PEX19: variants seen among roughly 807,000 people sequenced by gnomAD.
PEX19 encodes peroxisomal biogenesis factor 19, also known as 33 kDa housekeeping protein.
A neutral mutation model predicts 36.3 loss-of-function variants in PEX19; 29 were observed. The ratio of observed to expected loss-of-function variants is 0.80; its 90% CI spans 0.60 to 1.09. The LOEUF (loss-of-function observed/expected upper bound fraction) is 1.09, where lower values mean the gene tolerates loss of function less well. Among genes scored for constraint, PEX19 ranks in the 50% least tolerant of loss-of-function variants. The pLI, the probability that PEX19 is intolerant of heterozygous loss-of-function variation, is 0.00. For synonymous variants in PEX19, 141 were observed against 135.2 expected (o/e 1.04, Z -0.30); for missense variants, 396 against 368.1 (o/e 1.08, Z -0.62).
At position 160,282,219 on chromosome 1, in the gene PEX19, A is replaced by G. The variant is rs1280745844; in HGVS notation, c.433-19T>C. ...TGGAGTTCTAGATAGGACAAGTAAG[A>G]GGTGAGCAGGTATACTACCTTCTTG... On this transcript the variant is annotated intron_variant, in intron 4 of 7. Coordinates refer to ENST00000368072, the MANE Select transcript of PEX19 (RefSeq NM_002857.4). The G allele has an allele frequency of 6.2e-7, 1 of 1,613,602 alleles. No homozygotes were observed. The highest frequency in any genetic ancestry group is 8.5e-7 in the Non-Finnish European group (1 of 1,179,842).
rs762131917 is a variant in PEX19, at chr1:160,282,207, A to G, written c.433-7T>C. ...CTTCCGACATGCTGGAGTTCTAGAT[A>G]GGACAAGTAAGAGGTGAGCAGGTAT... On this transcript the variant is annotated splice_region_variant and splice_polypyrimidine_tract_variant and intron_variant, in intron 4 of 7. Coordinates refer to ENST00000368072, the MANE Select transcript of PEX19 (RefSeq NM_002857.4). 1.2e-6 allele frequency: 2 copies of G among 1,614,014 alleles called. No homozygotes were observed. Among genetic ancestry groups the G allele is most frequent in the South Asian group, 2.2e-5 (2 of 91,072 alleles).
In PEX19 at chr1:160,280,216, A is replaced by G. The variant is rs1243279561; in HGVS notation, c.625T>C (p.Ser209Pro). 1.2e-6 allele frequency: 2 copies of G among 1,614,020 alleles called. No homozygotes were observed. Among genetic ancestry groups the G allele is most frequent in the African/African-American group, 1.3e-5 (1 of 74,926 alleles). The change falls in exon 6 of 8, where the codon TCT becomes CCT. Residue 209 changes from serine to proline, a missense_variant. Physicochemically the swap from Ser to Pro is moderately conservative, Grantham distance 74. Coordinates refer to ENST00000368072, the MANE Select transcript of PEX19 (RefSeq NM_002857.4). ...TTTTCAAACTGCTCTGGAGGTAGAG[A>G]TTCCCGATGACTCTGCAACCATTCT... ...YPEWLQSHRESLPPEQFEKYQ... is the reference protein window; with the variant it reads ...YPEWLQSHREPLPPEQFEKYQ...
intron 1 of PEX19, chr1:160,284,183 C>T (rs1571140303): frequency 2.1e-6 from 1 of 471,472 alleles, no homozygotes; most frequent in South Asian, 1.5e-5. Context: ...CAGTTTAGTG[C>T]TCCCCAACAA....
chr1:160,279,887 C>G, intron 6 of PEX19, 42 bp from the exon 7 acceptor site: 1 of 1,520,854 alleles, frequency 6.6e-7, no homozygotes, highest in South Asian at 1.1e-5. Flanking sequence ...GAGAAAAGCC[C>G]AGAAAACAAC....
rs1449115244 is a variant in PEX19 at position 160,284,262 on chromosome 1, C to G, written c.71-623G>C. On this transcript the variant is annotated intron_variant, in intron 1 of 7. Coordinates refer to ENST00000368072, the MANE Select transcript of PEX19 (RefSeq NM_002857.4). ...CACTAATTTACACAGTCACTTGGCACTCCTCAGGGTTTCTGTTCATTTTTC... is the reference window on the plus strand; with the variant it reads ...CACTAATTTACACAGTCACTTGGCAGTCCTCAGGGTTTCTGTTCATTTTTC... The G allele has an allele frequency of 2.0e-5, 9 of 447,106 alleles. No individual in the cohort carries two copies. In the East Asian group the frequency reaches 6.3e-4, roughly 31 times the overall value. 27.7% of individuals were successfully genotyped at this position (447,106 alleles called of 1,614,324 possible).
rs146644725 is a variant in PEX19 at position 160,283,029 on chromosome 1, G to A, written c.261C>T (p.Phe87=). The stretch of plus-strand genomic sequence containing the variant: ...CAGCCAACTCCTTCATTGCCTTCTC[G>A]AACTCCGCAGTGGCTTGGGAAGCCA... ...SELASQATAE[F]EKAMKELAEE... The change falls in exon 3 of 8, where the codon TTC becomes TTT. Residue 87 remains phenylalanine, a synonymous_variant. Transcript: ENST00000368072. 3.1e-3 allele frequency: 5,039 copies of A among 1,614,122 alleles called. 8 individuals are homozygous for A. Among genetic ancestry groups the A allele is most frequent in the Non-Finnish European group, 3.9e-3 (4,617 of 1,180,020 alleles).
chr1:160,283,663 T>C (rs969218810), intron 1 of PEX19, 24 bp from the exon 2 acceptor site: 5 of 1,558,676 alleles, frequency 3.2e-6, no homozygotes, highest in Admixed American at 3.3e-5. Context: ...AGACATGGTG[T>C]GTGTGTTGGC....
In PEX19 at chr1:160,279,325, G is replaced by A; in HGVS notation, c.*226C>T. On this transcript the variant is annotated 3_prime_UTR_variant, in exon 8 of 8. Transcript: ENST00000368072. Reference sequence around the variant, plus strand: ...GGTAGCTGGAACTTTGATAGTGGCAGAAACCACAATGGAGTAGGGTTCACA... The same window carrying A: ...GGTAGCTGGAACTTTGATAGTGGCAAAAACCACAATGGAGTAGGGTTCACA... 1.5e-6 allele frequency: 1 copy of A among 681,950 alleles called. No homozygotes were observed. The highest frequency in any genetic ancestry group is 1.5e-5 in the South Asian group (1 of 66,544). 42.2% of individuals were successfully genotyped at this position (681,950 alleles called of 1,614,324 possible).
In PEX19 at chr1:160,279,298, C is replaced by A; in HGVS notation, c.*253G>T. 1 of 657,832 alleles carries A rather than the reference C, an allele frequency of 1.5e-6. No homozygotes were observed. The highest frequency in any genetic ancestry group is 2.8e-6 in the Non-Finnish European group (1 of 358,290). 40.7% of individuals were successfully genotyped at this position (657,832 alleles called of 1,614,324 possible). ...AAAAGGGATGCCTTCCTTCACCTTG[C>A]AGGTAGCTGGAACTTTGATAGTGGC... On this transcript the variant is annotated 3_prime_UTR_variant, in exon 8 of 8. Coordinates refer to ENST00000368072, the MANE Select transcript of PEX19 (RefSeq NM_002857.4).
rs1344600667 is a variant in PEX19, at chr1:160,279,236, A to G, written c.*315T>C. 1 of 517,542 alleles carries G rather than the reference A, an allele frequency of 1.9e-6. No individual in the cohort carries two copies. The highest frequency in any genetic ancestry group is 1.9e-5 in the African/African-American group (1 of 52,528). 32.1% of individuals were successfully genotyped at this position (517,542 alleles called of 1,614,324 possible). ...GGTGAACATCAGTGTGGCCACATAT[A>G]ACATTATTTTGAGAAAGGAAAGAAA... On this transcript the variant is annotated 3_prime_UTR_variant, in exon 8 of 8. Coordinates refer to ENST00000368072, the MANE Select transcript of PEX19 (RefSeq NM_002857.4).
Position 160,278,212 on chromosome 1 carries a change from A to C in PEX19, c.*1339T>G, listed in dbSNP as rs1324150810. ...GTCAGCTTAAAGAAAAATAATTTAGAAAACATAACAATATATTACTAACAT... is the reference window on the plus strand; with the variant it reads ...GTCAGCTTAAAGAAAAATAATTTAGCAAACATAACAATATATTACTAACAT... On this transcript the variant is annotated 3_prime_UTR_variant, in exon 8 of 8. Coordinates refer to ENST00000368072, the MANE Select transcript of PEX19 (RefSeq NM_002857.4). 1.4e-6 allele frequency: 1 copy of C among 702,320 alleles called. No homozygotes were observed. 43.5% of individuals were successfully genotyped at this position (702,320 alleles called of 1,614,324 possible).
Position 160,285,114 on chromosome 1 carries a change from G to C in PEX19, c.11C>G (p.Ala4Gly), listed in dbSNP as rs766641297. 1 of 1,613,866 alleles carries C rather than the reference G, an allele frequency of 6.2e-7. No homozygotes were observed. The highest frequency in any genetic ancestry group is 8.5e-7 in the Non-Finnish European group (1 of 1,179,844). The change falls in exon 1 of 8, where the codon GCT becomes GGT. Residue 4 changes from alanine (A) to glycine (G), a missense_variant. Transcript: ENST00000368072. ...GGCCCCGACACTACAGCCTTCCTCA[G>C]CGGCGGCCATCTTGCTACCTCCGAC... MAA[A>G]EEGCSVGAEA...
At chr1:160,281,951 T>C (rs1022425899) in intron 5 of PEX19, 88 bp downstream of exon 5, 1 of 1,132,758 alleles carries the variant, frequency 8.8e-7, no homozygotes, top group Non-Finnish European at 1.3e-6. Flanking sequence ...GAGTTACTCT[T>C]TCTGCAGGCT....
Position 160,278,466 on chromosome 1 carries a change from GAA to G in PEX19, c.*1083_*1084del. The G allele has an allele frequency of 1.8e-6, 1 of 548,420 alleles. No homozygotes were observed. Among genetic ancestry groups the G allele is most frequent in the Non-Finnish European group, 3.5e-6 (1 of 289,672 alleles). The allele number at this position is 548,420 out of a possible 1,614,324, so 34.0% of individuals were successfully genotyped here. A position where few individuals can be genotyped will look rare whatever the true frequency, so the allele number is the denominator to read the frequency against. The stretch of plus-strand genomic sequence containing the variant: ...AACTTACGGAAGCTGAGGAAGATCA[GAA>G]AAAGACCACACTCCTCACTCAGAAT... On this transcript the variant is annotated 3_prime_UTR_variant, in exon 8 of 8. Transcript: ENST00000368072.
In PEX19 at chr1:160,285,120, G is replaced by A. The variant is rs1307265959; in HGVS notation, c.5C>T (p.Ala2Val). 2 of 1,613,330 alleles carry A rather than the reference G, an allele frequency of 1.2e-6. No individual in the cohort carries two copies. Among genetic ancestry groups the A allele is most frequent in the Admixed American group, 1.7e-5 (1 of 60,030 alleles). The part of the protein sequence containing the change: M[A>V]AAEEGCSVGA... ...GACACTACAGCCTTCCTCAGCGGCG[G>A]CCATCTTGCTACCTCCGACTTGCCG... Residue 2 changes from alanine to valine, a missense_variant, in exon 1 of 8, where the codon GCC becomes GTC. Transcript: ENST00000368072.
intron 3 of PEX19, 53 bp from the exon 4 acceptor site, chr1:160,282,555 GA>G (rs765873082): frequency 3.0e-6 from 4 of 1,351,284 alleles, no homozygotes; most frequent in Non-Finnish European, 4.2e-6. Context: ...TCCTTGCCTA[GA>G]CTGAACTGGT....
In PEX19 at chr1:160,280,207, G is replaced by C; in HGVS notation, c.634C>G (p.Pro212Ala). The change falls in exon 6 of 8, where the codon CCA becomes GCA. Residue 212 changes from proline to alanine, a missense_variant. Physicochemically the swap from Pro to Ala is conservative, Grantham distance 27 (BLOSUM62 -1). Coordinates refer to ENST00000368072, the MANE Select transcript of PEX19 (RefSeq NM_002857.4). ...WLQSHRESLP[P>A]EQFEKYQEQH... ...TCCTGATATTTTTCAAACTGCTCTGGAGGTAGAGATTCCCGATGACTCTGC... is the reference window on the plus strand; with the variant it reads ...TCCTGATATTTTTCAAACTGCTCTGCAGGTAGAGATTCCCGATGACTCTGC... 6.2e-7 allele frequency: 1 copy of C among 1,614,112 alleles called. No individual in the cohort carries two copies. The highest frequency in any genetic ancestry group is 8.5e-7 in the Non-Finnish European group (1 of 1,179,958).
In PEX19 at chr1:160,282,489, G is replaced by A; in HGVS notation, c.360C>T (p.Thr120=). The A allele has an allele frequency of 6.2e-7, 1 of 1,613,732 alleles. No individual in the cohort carries two copies. The highest frequency in any genetic ancestry group is 1.1e-5 in the South Asian group (1 of 91,076). ...GGCAAGAAGTGAATTCTTGTTGGGA[G>A]GTCATATCACTGCCTAGGAGAGATT... The part of the protein sequence containing the change: ...EAAGRVGSDM[T]SQQEFTSCLK... The change falls in exon 4 of 8, where the codon ACC becomes ACT. Residue 120 remains threonine, a synonymous_variant. Transcript: ENST00000368072.
Position 160,279,524 on chromosome 1 carries a change from G to A in PEX19, c.*27C>T, listed in dbSNP as rs758932026. 3.2e-6 allele frequency: 5 copies of A among 1,581,954 alleles called. No homozygotes were observed. The highest frequency in any genetic ancestry group is 4.3e-6 in the Non-Finnish European group (5 of 1,150,724). ...GACTCCAGATGTTCCCCATAGCTGGGACTCAGAGAGGAAAACGTGTTGTGT... is the reference window on the plus strand; with the variant it reads ...GACTCCAGATGTTCCCCATAGCTGGAACTCAGAGAGGAAAACGTGTTGTGT... On this transcript the variant is annotated 3_prime_UTR_variant, in exon 8 of 8. Transcript: ENST00000368072.
Sources: gnomAD v4.1 joint callset for allele counts on GRCh38, gnomAD v4.1.1 for gene constraint, MANE v1.5 for transcripts, NCBI Gene and HGNC (gene_info 2026-07-23, HGNC 2026-07-21) for gene names.